The following XPO4 variants were observed in gnomAD, a reference collection of about 807,000 sequenced individuals.
XPO4 encodes the protein exportin 4.
Under a neutral mutation model 143.0 loss-of-function variants are expected in XPO4, and 39 were observed. The observed-to-expected ratio is 0.27, with a 90% confidence interval of 0.21 to 0.36. XPO4 has a LOEUF of 0.36. XPO4 is among the 10% of genes least tolerant of loss of function. XPO4 has a pLI of 1.00. For missense variants in XPO4, 907 were observed against 1,348.0 expected (o/e 0.67, Z 5.12); for synonymous variants, 439 against 474.0 (o/e 0.93, Z 0.96).
intron 4 of XPO4, among the ~76,000 whole-genome samples, chr13:20,846,452 ACTG>A (rs942110555): frequency 7.2e-5 from 11 of 152,202 alleles, no homozygotes; most frequent in Non-Finnish European, 1.2e-4. Context: ...GTGGCATGGA[ACTG>A]CTTTTTAGTT....
intron 4 of XPO4, among the ~76,000 whole-genome samples, chr13:20,845,967 T>G (rs1002532844): frequency 1.3e-5 from 2 of 152,320 alleles, no homozygotes; most frequent in South Asian, 2.1e-4. Flanking sequence ...ATCTAAATGT[T>G]TGAGAAAACT....
At chr13:20,879,462 A>G (rs1224169908) in intron 1 of XPO4, among the ~76,000 whole-genome samples, 1 of 152,056 alleles carries the variant, frequency 6.6e-6, no homozygotes, top group African/African-American at 2.4e-5. Flanking sequence ...TTGTCCAAAA[A>G]ACTTGAAGCC....
At chr13:20,842,256 C>T (rs1255667806) in intron 6 of XPO4, among the ~76,000 whole-genome samples, 1 of 152,112 alleles carries the variant, frequency 6.6e-6, no homozygotes, top group Non-Finnish European at 1.5e-5. Context: ...GCAGATGTCC[C>T]AGCATAGTAA....
In XPO4 at chr13:20,862,699, C is replaced by G; in HGVS notation, c.317+18G>C. 6.2e-7 allele frequency: 1 copy of G among 1,613,612 alleles called. No homozygotes were observed. The highest frequency in any genetic ancestry group is 1.7e-5 in the Admixed American group (1 of 59,968). The stretch of plus-strand genomic sequence containing the variant: ...AGCTCAGCAAAAGTATTTCAGCAGT[C>G]CCCCTCCATGTACTTACTTGGGCCT... On this transcript the variant is annotated intron_variant, in intron 3 of 22. Transcript: ENST00000255305.
intron 1 of XPO4, among the ~76,000 whole-genome samples, chr13:20,873,203 C>T (rs1427450028): frequency 6.6e-6 from 1 of 152,032 alleles, no homozygotes; most frequent in Non-Finnish European, 1.5e-5. Flanking sequence ...AGCCCCAACC[C>T]TCAGCATGAC....
rs1350499654 is a variant in XPO4, at chr13:20,787,685, A to C, written c.3048-87T>G. Reference sequence around the variant, plus strand: ...AATTATAGCTAGTATTAAATGGATGAGTGTTTCTAGAAATGAATACAGATA... The same window carrying C: ...AATTATAGCTAGTATTAAATGGATGCGTGTTTCTAGAAATGAATACAGATA... On this transcript the variant is annotated intron_variant, in intron 20 of 22. Transcript: ENST00000255305. The C allele has an allele frequency of 2.8e-6, 3 of 1,059,704 alleles. No homozygotes were observed. The Admixed American group carries it at 5.8e-5, about 20-fold the overall frequency. The allele number at this position is 1,059,704 out of a possible 1,614,324, so 65.6% of individuals were successfully genotyped here.
chr13:20,846,973 G>A (rs961570614), intron 4 of XPO4, among the ~76,000 whole-genome samples: 1 of 151,974 alleles, frequency 6.6e-6, no homozygotes, highest in Admixed American at 6.6e-5. Flanking sequence ...CAAATATTCT[G>A]GCTTTAACTG....
chr13:20,886,338 C>CTTATACA (rs1385054181), intron 1 of XPO4, among the ~76,000 whole-genome samples: 4 of 152,014 alleles, frequency 2.6e-5, no homozygotes, highest in Non-Finnish European at 4.4e-5. Flanking sequence ...CCAGGCTGGG[C>CTTATACA]GCGTGGCTCA....
intron 1 of XPO4, among the ~76,000 whole-genome samples, chr13:20,892,894 A>AT (rs921327959): frequency 1.2e-4 from 18 of 151,608 alleles, no homozygotes; most frequent in East Asian, 1.9e-4. Flanking sequence ...AAAAATAAAA[A>AT]AAAAAAAATA....
At chr13:20,888,587 G>A (rs1003775184) in intron 1 of XPO4, among the ~76,000 whole-genome samples, 23 of 152,026 alleles carry the variant, frequency 1.5e-4, no homozygotes, top group Non-Finnish European at 2.1e-4. Flanking sequence ...AAACTCCTGG[G>A]CTCAAGTGAT....
chr13:20,886,966 G>A (rs775470777), intron 1 of XPO4, among the ~76,000 whole-genome samples: 3 of 151,988 alleles, frequency 2.0e-5, no homozygotes, highest in East Asian at 3.9e-4. Context: ...CTAGCTACTC[G>A]TGAGGCTGAG....
Position 20,800,148 on chromosome 13 carries a change from G to C in XPO4, c.2147+8C>G. The C allele has an allele frequency of 6.2e-7, 1 of 1,613,806 alleles. No homozygotes were observed. The highest frequency in any genetic ancestry group is 8.5e-7 in the Non-Finnish European group (1 of 1,179,858). The stretch of plus-strand genomic sequence containing the variant: ...ACACACACAGTCAGCCTCCAACAAT[G>C]GGCTAACCTTTCTCTTCTTTCCACC... On this transcript the variant is annotated splice_region_variant and intron_variant, in intron 15 of 22. Coordinates refer to ENST00000255305, the MANE Select transcript of XPO4 (RefSeq NM_022459.5).
intron 18 of XPO4, among the ~76,000 whole-genome samples, chr13:20,792,513 G>A (rs1326010339): frequency 6.6e-6 from 1 of 152,032 alleles, no homozygotes; most frequent in Non-Finnish European, 1.5e-5. Flanking sequence ...AGGTTGCAGT[G>A]AGCCAAGATG....
At chr13:20,796,479 G>C (rs1030888133) in intron 17 of XPO4, among the ~76,000 whole-genome samples, 4 of 151,064 alleles carry the variant, frequency 2.6e-5, no homozygotes, top group Non-Finnish European at 5.9e-5. Flanking sequence ...TTTATATTCA[G>C]GTGCAGCAAA....
intron 4 of XPO4, chr13:20,852,486 G>A (rs1335187288): frequency 3.0e-5 from 30 of 985,190 alleles, no homozygotes; most frequent in Non-Finnish European, 3.4e-5. Flanking sequence ...AAGCAAATTC[G>A]AACAAATTCA....
rs2059115263 is a variant in XPO4 at position 20,779,390 on chromosome 13, A to G, written c.*4332T>C. Reference sequence around the variant, plus strand: ...GGTACATAGTGCAGATGCAGTATATAATTTCAGGCTAGGAAAATTAGCTAC... The same window carrying G: ...GGTACATAGTGCAGATGCAGTATATGATTTCAGGCTAGGAAAATTAGCTAC... On this transcript the variant is annotated 3_prime_UTR_variant, in exon 23 of 23. Transcript: ENST00000255305. 6.6e-6 allele frequency: 1 copy of G among 152,614 alleles called. No homozygotes were observed. Among genetic ancestry groups the G allele is most frequent in the Non-Finnish European group, 1.5e-5 (1 of 68,028 alleles). The allele number at this position is 152,614 out of a possible 1,614,324, so 9.5% of individuals were successfully genotyped here.
At chr13:20,830,601 T>TA (rs543929511) in intron 6 of XPO4, among the ~76,000 whole-genome samples, 3 of 151,810 alleles carry the variant, frequency 2.0e-5, no homozygotes, top group South Asian at 2.1e-4. Context: ...CCCACTCTAC[T>TA]AAAAAAAATT....
intron 4 of XPO4, among the ~76,000 whole-genome samples, chr13:20,854,603 G>A (rs1390889622): frequency 6.6e-6 from 1 of 152,154 alleles, no homozygotes; most frequent in Non-Finnish European, 1.5e-5. Flanking sequence ...CCGAGACTCA[G>A]AATGGCCAAG....
At chr13:20,860,626 T>C (rs1006171998) in intron 3 of XPO4, among the ~76,000 whole-genome samples, 33 of 152,022 alleles carry the variant, frequency 2.2e-4, no homozygotes, top group Admixed American at 6.5e-5. Flanking sequence ...TACAGAGGGG[T>C]CAAAAGACAA....
Sources: gnomAD v4.1 joint callset for allele counts (sites outside exome capture counted in the v4.1 genomes callset) on GRCh38, gnomAD v4.1.1 for gene constraint, MANE v1.5 for transcripts, NCBI Gene and HGNC (gene_info 2026-07-23, HGNC 2026-07-21) for gene names.